Variants in NCAPH2 observed in about 807,000 individuals in gnomAD.
NCAPH2 encodes non-SMC condensin II complex subunit H2, also known as condensin-2 complex subunit H2.
In NCAPH2, 56 loss-of-function variants were observed where a neutral mutation model predicts 88.6. The ratio of observed to expected loss-of-function variants is 0.63; its 90% CI spans 0.51 to 0.79. The LOEUF is 0.79. Ranked by LOEUF, NCAPH2 falls within the 30% of genes least tolerant of loss-of-function variation. The pLI, the probability that NCAPH2 is intolerant of heterozygous loss-of-function variation, is 0.00. For missense variants in NCAPH2, 794 were observed against 792.0 expected (o/e 1.00, Z -0.03); for synonymous variants, 378 against 313.6 (o/e 1.21, Z -2.17).
chr22:50,520,485 C>T (rs369161799), intron 9 of NCAPH2: 2 of 150,966 alleles, frequency 1.3e-5, no homozygotes, highest in East Asian at 4.0e-4. Context: ...AACTCCTGGG[C>T]TCAAGTGATC....
At position 50,516,429 on chromosome 22, in the gene NCAPH2, T is replaced by G. The variant is rs778375022; in HGVS notation, c.109-18T>G. 1.2e-6 allele frequency: 2 copies of G among 1,612,106 alleles called. No individual in the cohort carries two copies. Among genetic ancestry groups the G allele is most frequent in the East Asian group, 2.2e-5 (1 of 44,858 alleles). On this transcript the variant is annotated intron_variant, in intron 1 of 19. Transcript: ENST00000420993. ...ACTGGGCCTTGGATTCCCCCTGTCT[T>G]TGTGTTGTTTCTTGCAGCTGGATCA...
At chr22:50,521,885 G>A in intron 12 of NCAPH2, 37 bp downstream of exon 12, 1 of 1,612,590 alleles carries the variant, frequency 6.2e-7, no homozygotes, top group Non-Finnish European at 8.5e-7. Flanking sequence ...ACCACTGGGA[G>A]CTGGGGGCTG....
At position 50,523,519 on chromosome 22, in the gene NCAPH2, G is replaced by C. The variant is rs1270497202; in HGVS notation, c.*144G>C. 2 of 1,555,572 alleles carry C rather than the reference G, an allele frequency of 1.3e-6. No homozygotes were observed. The highest frequency in any genetic ancestry group is 2.4e-5 in the East Asian group (1 of 42,542). On this transcript the variant is annotated 3_prime_UTR_variant, in exon 20 of 20. Coordinates refer to ENST00000420993, the MANE Select transcript of NCAPH2 (RefSeq NM_152299.4). ...TATGTACACCTGCGCAGAGAAGAGG[G>C]CTGCCTGGCCTCCCTGGGCCGCTGG...
At position 50,508,462 on chromosome 22, in the gene NCAPH2, A is replaced by C; in HGVS notation, c.108+17A>C. 1 of 234,554 alleles carries C rather than the reference A, an allele frequency of 4.3e-6. No individual in the cohort carries two copies. The highest frequency in any genetic ancestry group is 6.3e-6 in the Non-Finnish European group (1 of 157,920). The allele number at this position is 234,554 out of a possible 1,614,324, so 14.5% of individuals were successfully genotyped here. On this transcript the variant is annotated intron_variant, in intron 1 of 19. Coordinates refer to ENST00000420993, the MANE Select transcript of NCAPH2 (RefSeq NM_152299.4). ...CTGGAGGAGGTAAGGGCGGCGGGGG[A>C]GTGACGCGGGGTGGGCCGGCGGGTG...
chr22:50,517,991 C>T lies in NCAPH2; in HGVS notation c.439C>T (p.Leu147Phe), dbSNP rs200070310. 86 of 1,613,812 alleles carry T rather than the reference C, an allele frequency of 5.3e-5. No homozygotes were observed. Among genetic ancestry groups the T allele is most frequent in the East Asian group, 2.2e-4 (10 of 44,896 alleles). Reference sequence around the variant, plus strand: ...CATGCAGGAGGTCCTCATCATCCCCCTCCTGCCCATGGCCCTGGTGGCCCC... The same window carrying T: ...CATGCAGGAGGTCCTCATCATCCCCTTCCTGCCCATGGCCCTGGTGGCCCC... Reference protein sequence around the residue: ...QTPSEVLIIPLLPMALVAPDE... With the variant: ...QTPSEVLIIPFLPMALVAPDE... Residue 147 changes from leucine (L) to phenylalanine (F), a missense_variant, in exon 6 of 20, where the codon CTC becomes TTC. This residue lies in a region of NCAPH2 where 735 missense variants were observed against 696.3 expected (regional missense o/e 1.06). Transcript: ENST00000420993.
chr22:50,524,730 G>C lies in NCAPH2; in HGVS notation c.*1355G>C. The C allele has an allele frequency of 3.4e-6, 2 of 583,130 alleles. No individual in the cohort carries two copies. The highest frequency in any genetic ancestry group is 3.1e-5 in the South Asian group (2 of 65,298). 36.1% of individuals were successfully genotyped at this position (583,130 alleles called of 1,614,324 possible). ...GGAAAGCATTCCAAGTGCATGCCTT[G>C]CCTGAACTAACCACGTTATCTATTT... On this transcript the variant is annotated 3_prime_UTR_variant, in exon 20 of 20. Coordinates refer to ENST00000420993, the MANE Select transcript of NCAPH2 (RefSeq NM_152299.4).
chr22:50,520,623 A>G (rs5770855), intron 9 of NCAPH2: 16,612 of 180,080 alleles, frequency 0.092, 1,027 homozygotes, highest in East Asian at 0.25. Context: ...CAGTGGTGTG[A>G]TATCGGCTCA....
Position 50,521,831 on chromosome 22 carries a change from A to G in NCAPH2, c.1091A>G (p.Gln364Arg), listed in dbSNP as rs747035928. The G allele has an allele frequency of 2.5e-6, 4 of 1,613,916 alleles. No individual in the cohort carries two copies. The highest frequency in any genetic ancestry group is 3.4e-6 in the Non-Finnish European group (4 of 1,180,036). The change falls in exon 12 of 20, where the codon CAG (glutamine) becomes CGG (arginine). Residue 364 changes from glutamine (Q) to arginine (R), a missense_variant. Physicochemically the swap from Gln to Arg is conservative, Grantham distance 43. Transcript: ENST00000420993. The stretch of plus-strand genomic sequence containing the variant: ...GCTGCCAAGCTGCAGGACTTCCACC[A>G]GTGGTACCTGGCTGCCTGTGAGTGG... ...KGAAKLQDFH[Q>R]WYLAAYADHA...
chr22:50,523,887 T>C lies in NCAPH2; in HGVS notation c.*512T>C. The C allele has an allele frequency of 6.2e-7, 1 of 1,613,872 alleles. No individual in the cohort carries two copies. Among genetic ancestry groups the C allele is most frequent in the Non-Finnish European group, 8.5e-7 (1 of 1,180,010 alleles). On this transcript the variant is annotated 3_prime_UTR_variant, in exon 20 of 20. Transcript: ENST00000420993. ...AGTCCTGGACGTAGCGGGCCATGGC[T>C]TCAACGTCGTCCCGCTCGGGGTCCA...
chr22:50,519,836 G>C, intron 9 of NCAPH2: 1 of 880,674 alleles, frequency 1.1e-6, no homozygotes, highest in Non-Finnish European at 1.4e-6. Context: ...ATTTTTCCTA[G>C]TTTTGAAGAA....
chr22:50,519,828 T>A, intron 9 of NCAPH2: 1 of 901,020 alleles, frequency 1.1e-6, no homozygotes, highest in Non-Finnish European at 1.3e-6. Flanking sequence ...TTCTATTCAT[T>A]TTTCCTAGTT....
intron 4 of NCAPH2, 27 bp downstream of exon 4, chr22:50,517,688 G>C: frequency 6.2e-7 from 1 of 1,614,054 alleles, no homozygotes; most frequent in Admixed American, 1.7e-5. Context: ...TGTGGTCCCC[G>C]CCCACTGTGT....
intron 10 of NCAPH2, among the ~76,000 whole-genome samples, 173 bp downstream of exon 10, chr22:50,521,209 CTA>C (rs2069080098): frequency 6.6e-6 from 1 of 152,232 alleles, no homozygotes; most frequent in Non-Finnish European, 1.5e-5. Context: ...CACCCTCTCT[CTA>C]GTGTTCCCCT....
chr22:50,522,679 C>A lies in NCAPH2; in HGVS notation c.1384C>A (p.Pro462Thr). 6.2e-7 allele frequency: 1 copy of A among 1,613,700 alleles called. No individual in the cohort carries two copies. The highest frequency in any genetic ancestry group is 8.5e-7 in the Non-Finnish European group (1 of 1,179,990). ...PREAADLDAV[P>T]MSLSYEELVR... is the part of the protein sequence containing the mutation. ...CAGCTACCCCTTCCCAGACGCAGTG[C>A]CGATGTCCCTGAGCTACGAGGAGCT... Residue 462 changes from proline (P) to threonine (T), a missense_variant, in exon 17 of 20, where the codon CCG becomes ACG. Around this residue, in one of 2 missense-constraint regions of NCAPH2, gnomAD observed 735 missense variants for 696.3 expected, o/e 1.06. Transcript: ENST00000420993.
In NCAPH2 at chr22:50,517,783, G is replaced by A. The variant is rs1450516518; in HGVS notation, c.394G>A (p.Asp132Asn). 1.2e-6 allele frequency: 2 copies of A among 1,613,842 alleles called. No individual in the cohort carries two copies. The highest frequency in any genetic ancestry group is 4.5e-5 in the East Asian group (2 of 44,898). Residue 132 changes from aspartate (D) to asparagine (N), a missense_variant, in exon 5 of 20, where the codon GAT (aspartate) becomes AAT (asparagine). Asp to Asn is a conservative substitution (Grantham distance 23). This residue lies in a region of NCAPH2 where 735 missense variants were observed against 696.3 expected (regional missense o/e 1.06). Transcript: ENST00000420993. ...CTTCCCTGACTCCCGGACTAACGTGGATCTCAAGAATGATCAGACGCCCAG... is the reference window on the plus strand; with the variant it reads ...CTTCCCTGACTCCCGGACTAACGTGAATCTCAAGAATGATCAGACGCCCAG... The part of the protein sequence containing the change: ...DDFPDSRTNV[D>N]LKNDQTPSEV...
At chr22:50,520,341 C>G (rs2069051481) in intron 9 of NCAPH2, 1 of 151,706 alleles carries the variant, frequency 6.6e-6, no homozygotes, top group Non-Finnish European at 1.5e-5. Flanking sequence ...AGCCTTGACT[C>G]TCTCTAGGCT....
intron 18 of NCAPH2, 21 bp from the exon 19 acceptor site, chr22:50,522,996 A>AC: frequency 1.2e-6 from 2 of 1,606,598 alleles, no homozygotes; most frequent in Non-Finnish European, 1.7e-6. Flanking sequence ...TCCGCAGCCA[A>AC]CATGCCCCTC....
At chr22:50,520,828 G>A (rs960086725) in intron 9 of NCAPH2, 137 bp from the exon 10 acceptor site, 2 of 942,502 alleles carry the variant, frequency 2.1e-6, no homozygotes, top group African/African-American at 3.3e-5. Context: ...CTCCCAAAGT[G>A]CTGGGATTAC....
chr22:50,521,873 G>C (rs111552239), intron 12 of NCAPH2, 25 bp downstream of exon 12: 60 of 1,612,984 alleles, frequency 3.7e-5, no homozygotes, highest in Non-Finnish European at 4.7e-5. Flanking sequence ...TGTGCACTCC[G>C]GACCACTGGG....
Sources: gnomAD v4.1 joint callset for allele counts (sites outside exome capture counted in the v4.1 genomes callset) on GRCh38, gnomAD v4.1.1 for gene constraint, gnomAD v4.1.1 regional missense constraint, MANE v1.5 for transcripts, NCBI Gene and HGNC (gene_info 2026-07-23, HGNC 2026-07-21) for gene names.